Variants in SMOC2 observed in about 807,000 individuals in gnomAD.
SMOC2 encodes the protein SPARC-related modular calcium-binding protein 2.
SMOC2 carries 39 observed loss-of-function variants against 61.4 expected under a neutral mutation model. The ratio of observed to expected loss-of-function variants is 0.64; its 90% CI spans 0.49 to 0.83. The LOEUF is 0.83. Ranked by LOEUF, SMOC2 falls within the 40% of genes least tolerant of loss-of-function variation. The probability of loss-of-function intolerance (pLI) is 0.00; values close to 1 mark genes in which losing one functional copy is unlikely to be tolerated. For synonymous variants in SMOC2, 247 were observed against 239.9 expected, an observed-to-expected ratio of 1.03 and a Z score of -0.27; for missense variants, 556 against 592.9, an observed-to-expected ratio of 0.94 and a Z score of 0.65.
intron 7 of SMOC2, among the ~76,000 whole-genome samples, chr6:168,579,994 T>C (rs1185486736): frequency 6.6e-6 from 1 of 151,768 alleles, no homozygotes; most frequent in Non-Finnish European, 1.5e-5. Context: ...CAGAGAGAGG[T>C]AGGAGGTTAG....
intron 8 of SMOC2, among the ~76,000 whole-genome samples, chr6:168,602,527 C>T (rs1202982055): frequency 2.6e-5 from 4 of 152,202 alleles, no homozygotes; most frequent in Non-Finnish European, 4.4e-5. Context: ...AACGCCCAGA[C>T]CCAGACCTGC....
In SMOC2 at chr6:168,535,831, C is replaced by T. The variant is rs1480878325; in HGVS notation, c.464-7794C>T. Among the ~76,000 whole-genome samples the T allele has an allele frequency of 6.6e-6, 1 of 150,444 alleles. No individual in the cohort carries two copies. Among genetic ancestry groups the T allele is most frequent in the Non-Finnish European group, 1.5e-5 (1 of 67,898 alleles). On this transcript the variant is annotated intron_variant, in intron 4 of 12. Transcript: ENST00000356284. This position sits in a 1 kb window ranked among gnomAD's most constrained non-coding sequence, Gnocchi z 4.6. ...CGCAGTGACAGTGATCCTGGGGACA[C>T]GTGAGGAATAACGCAGCAGTGATGC... is the stretch of plus-strand genomic sequence containing the variant.
intron 7 of SMOC2, among the ~76,000 whole-genome samples, chr6:168,550,964 C>T (rs1400661364): frequency 2.6e-5 from 4 of 152,104 alleles, no homozygotes; most frequent in Admixed American, 6.6e-5. Context: ...TATGGTTGGG[C>T]GTTGTGTCCC....
chr6:168,627,219 C>G (rs1009171419), intron 9 of SMOC2, among the ~76,000 whole-genome samples: 3 of 152,326 alleles, frequency 2.0e-5, no homozygotes, highest in Middle Eastern at 3.4e-3. Context: ...AAGACTGAGT[C>G]TGCTGACTGC....
chr6:168,658,097 A>T (rs1787373146), intron 11 of SMOC2, among the ~76,000 whole-genome samples: 1 of 152,178 alleles, frequency 6.6e-6, no homozygotes, highest in African/African-American at 2.4e-5. Context: ...TGGGGGACTG[A>T]TGGGGAGATG....
At chr6:168,582,730 G>A (rs1272496860) in intron 7 of SMOC2, among the ~76,000 whole-genome samples, 2 of 152,218 alleles carry the variant, frequency 1.3e-5, no homozygotes, top group African/African-American at 2.4e-5. Flanking sequence ...AGTGCGTCAC[G>A]CGGTGTTTCC....
chr6:168,519,714 T>G (rs1783282851), intron 2 of SMOC2, among the ~76,000 whole-genome samples: 1 of 152,196 alleles, frequency 6.6e-6, no homozygotes, highest in African/African-American at 2.4e-5. Flanking sequence ...TCTGGAAGGT[T>G]CTAGTCAGCC....
At chr6:168,466,925 C>G (rs949233110) in intron 1 of SMOC2, among the ~76,000 whole-genome samples, 3 of 152,194 alleles carry the variant, frequency 2.0e-5, no homozygotes, top group African/African-American at 4.8e-5. Context: ...GCTGTGTCTT[C>G]CGTTCCCTTG....
chr6:168,558,198 C>G (rs1784292775), intron 7 of SMOC2, among the ~76,000 whole-genome samples: 1 of 152,218 alleles, frequency 6.6e-6, no homozygotes, highest in African/African-American at 2.4e-5. Context: ...GTGTCTCCAC[C>G]CTGAACCTGC....
At chr6:168,613,095 A>T (rs1194988030) in intron 9 of SMOC2, among the ~76,000 whole-genome samples, 2 of 152,108 alleles carry the variant, frequency 1.3e-5, no homozygotes, top group Non-Finnish European at 2.9e-5. Flanking sequence ...GCGTTGCTTC[A>T]TTTCAGTCTA....
rs573618434 is a variant in SMOC2, at chr6:168,522,254, A to C, written c.257-4092A>C. 3.3e-5 allele frequency among the ~76,000 whole-genome samples: 5 copies of C among 152,330 alleles called. No individual in the cohort carries two copies. In the East Asian group the frequency reaches 9.6e-4, roughly 29 times the overall value. ...ACTTGTGTCTGTTGGCTGGACATAC[A>C]ACGGTTTAGCACTGTGGCAGACAGC... is the stretch of plus-strand genomic sequence containing the variant. On this transcript the variant is annotated intron_variant, in intron 2 of 12. Coordinates refer to ENST00000356284, the MANE Select transcript of SMOC2 (RefSeq NM_001166412.2).
intron 11 of SMOC2, among the ~76,000 whole-genome samples, chr6:168,661,736 A>T (rs1331750911): frequency 6.6e-6 from 1 of 152,256 alleles, no homozygotes; most frequent in Non-Finnish European, 1.5e-5. Context: ...ATACAAAAAA[A>T]ACTGGCAATT....
At chr6:168,477,241 C>A (rs1782108512) in intron 1 of SMOC2, among the ~76,000 whole-genome samples, 1 of 152,214 alleles carries the variant, frequency 6.6e-6, no homozygotes, top group East Asian at 1.9e-4. Context: ...AGATAGATAT[C>A]CAAACCTCAA....
chr6:168,570,031 G>A (rs1048892415), intron 7 of SMOC2, among the ~76,000 whole-genome samples: 5 of 151,966 alleles, frequency 3.3e-5, no homozygotes, highest in Admixed American at 2.0e-4. Flanking sequence ...TTTATTAAAG[G>A]CGTAAGGTCC....
At position 168,521,541 on chromosome 6, in the gene SMOC2, G is replaced by C. The variant is rs555316835; in HGVS notation, c.257-4805G>C. Among the ~76,000 whole-genome samples, 3 of 152,200 alleles carry C rather than the reference G, an allele frequency of 2.0e-5. No homozygotes were observed. The South Asian group carries it at 6.2e-4, about 32-fold the overall frequency. ...AGAGAGATGAAATATCATCCAACAG[G>C]TAGAAATAAATTGCTTGCACAATTA... On this transcript the variant is annotated intron_variant, in intron 2 of 12. Transcript: ENST00000356284.
chr6:168,656,084 T>G (rs1444895302), intron 11 of SMOC2, among the ~76,000 whole-genome samples: 3 of 152,260 alleles, frequency 2.0e-5, no homozygotes, highest in Non-Finnish European at 4.4e-5. Context: ...TAATACTTGC[T>G]GGGTAGGGCT....
intron 2 of SMOC2, among the ~76,000 whole-genome samples, chr6:168,518,084 C>T (rs1313050215): frequency 1.3e-5 from 2 of 152,226 alleles, no homozygotes; most frequent in African/African-American, 2.4e-5. Context: ...GGCCAGAGAG[C>T]TCCACACCTG....
At chr6:168,635,383 C>T (rs745661592) in intron 9 of SMOC2, among the ~76,000 whole-genome samples, 3 of 152,188 alleles carry the variant, frequency 2.0e-5, no homozygotes, top group Admixed American at 6.5e-5. Flanking sequence ...CAGATCATTC[C>T]ATTCTGTGGG....
intron 7 of SMOC2, among the ~76,000 whole-genome samples, chr6:168,559,747 C>T (rs902394856): frequency 2.0e-5 from 3 of 152,138 alleles, no homozygotes; most frequent in African/African-American, 7.2e-5. Flanking sequence ...TAGCTGTGAG[C>T]AATTAACGAT....
Sources: allele counts gnomAD v4.1 joint callset (sites outside exome capture counted in the v4.1 genomes callset), GRCh38; gene constraint gnomAD v4.1.1; non-coding constraint Gnocchi (gnomAD v3.1); transcripts MANE v1.5; gene names NCBI Gene and HGNC (gene_info 2026-07-23, HGNC 2026-07-21).